The following VRK2 variants were observed in gnomAD, a reference collection of about 807,000 sequenced individuals.
VRK2 encodes the protein serine/threonine-protein kinase VRK2.
In VRK2, 60 loss-of-function variants were observed where a neutral mutation model predicts 57.6. That is an observed-to-expected ratio of 1.04 (90% confidence interval 0.85 to 1.29). VRK2 has a LOEUF of 1.29. Ranked by LOEUF, VRK2 falls within the 50% of genes most tolerant of loss-of-function variation. VRK2 has a pLI of 0.00. For missense variants in VRK2, 705 were observed against 588.1 expected (o/e 1.20, Z -2.06); for synonymous variants, 231 against 199.2 (o/e 1.16, Z -1.35).
At chr2:58,114,200 C>T (rs933853598) in intron 7 of VRK2, among the ~76,000 whole-genome samples, 4 of 152,154 alleles carry the variant, frequency 2.6e-5, no homozygotes, top group Non-Finnish European at 4.4e-5. Context: ...AGAGCTAGGA[C>T]ATCTGATTAG....
chr2:58,093,686 A>G (rs1215756262), intron 7 of VRK2, among the ~76,000 whole-genome samples: 1 of 151,998 alleles, frequency 6.6e-6, no homozygotes, highest in African/African-American at 2.4e-5. Context: ...CCATTTGTCA[A>G]TTTTGGCTTT....
At chr2:58,057,196 A>G (rs1418144875) in intron 2 of VRK2, among the ~76,000 whole-genome samples, 2 of 152,080 alleles carry the variant, frequency 1.3e-5, no homozygotes, top group South Asian at 2.1e-4. Context: ...TAACTCTAGA[A>G]CTGTTCTATT....
upstream of VRK2, chr2:58,046,666 G>A (rs141537638): frequency 4.1e-5 from 40 of 985,598 alleles, no homozygotes; most frequent in Admixed American, 4.9e-4. Context: ...GAAAGGAACC[G>A]GCTGCGGCCT....
chr2:57,962,156 G>T (rs1354447950), intron 1 of VRK2, among the ~76,000 whole-genome samples: 3 of 152,124 alleles, frequency 2.0e-5, no homozygotes, highest in Admixed American at 2.0e-4. Flanking sequence ...TACATATCCA[G>T]TCCTTGATTA....
chr2:58,148,148 G>A (rs1427800406), intron 12 of VRK2, among the ~76,000 whole-genome samples: 3 of 151,832 alleles, frequency 2.0e-5, no homozygotes, highest in Non-Finnish European at 4.4e-5. Context: ...ACTCCCACCA[G>A]TAATGTACAA....
rs116779644 is a variant in VRK2, at chr2:58,029,422, C to T, written c.-333+3652C>T. ...TCCTCCTAACACTGCTTAGATGGTA[C>T]CATCTTGCTTTGTGTCAACTCAGGT... On this transcript the variant is annotated intron_variant, in intron 2 of 15. Transcript: ENST00000417641. 3.2e-3 allele frequency among the ~76,000 whole-genome samples: 492 copies of T among 152,194 alleles called. 1 individual carries two copies. The highest frequency in any genetic ancestry group is 5.7e-3 in the Non-Finnish European group (386 of 67,998).
intron 1 of VRK2, among the ~76,000 whole-genome samples, chr2:58,002,911 T>C (rs1673133029): frequency 6.6e-6 from 1 of 152,188 alleles, no homozygotes; most frequent in African/African-American, 2.4e-5. Context: ...TGCAGACTTG[T>C]AGAAAGAAAA....
At chr2:57,939,332 C>T (rs1420783525) in intron 1 of VRK2, among the ~76,000 whole-genome samples, 1 of 152,064 alleles carries the variant, frequency 6.6e-6, no homozygotes, top group African/African-American at 2.4e-5. Flanking sequence ...TGTATTGATC[C>T]TGCTCAAAAT....
At chr2:57,931,931 G>A (rs1053183316) in intron 1 of VRK2, among the ~76,000 whole-genome samples, 15 of 151,664 alleles carry the variant, frequency 9.9e-5, no homozygotes, top group African/African-American at 2.2e-4. Context: ...TTGAATGTAC[G>A]TACATAGGTT....
intron 1 of VRK2, among the ~76,000 whole-genome samples, chr2:58,013,165 A>G (rs1487770912): frequency 6.6e-6 from 1 of 152,246 alleles, no homozygotes; most frequent in Non-Finnish European, 1.5e-5. Flanking sequence ...TTTAAATGCC[A>G]ATATATTTTC....
chr2:58,017,475 C>T (rs1406596494), intron 1 of VRK2, among the ~76,000 whole-genome samples: 4 of 152,142 alleles, frequency 2.6e-5, no homozygotes, highest in Non-Finnish European at 4.4e-5. Flanking sequence ...TGATCCCATC[C>T]GCGCAGATTT....
chr2:58,114,508 C>T (rs1159083322), intron 7 of VRK2, among the ~76,000 whole-genome samples: 4 of 152,142 alleles, frequency 2.6e-5, no homozygotes, highest in African/African-American at 7.2e-5. Flanking sequence ...TATACAGGAG[C>T]TTAAATGGGC....
chr2:57,949,078 A>AGGGGGGGGGGGGGGGG (rs1671346718), intron 1 of VRK2, among the ~76,000 whole-genome samples: 1 of 141,270 alleles, frequency 7.1e-6, no homozygotes, highest in Non-Finnish European at 1.5e-5. Context: ...GGTGGGGGAC[A>AGGGGGGGGGGGGGGGG]GGGGGCGGGA....
At chr2:57,988,929 A>G (rs190175680) in intron 1 of VRK2, among the ~76,000 whole-genome samples, 1 of 152,124 alleles carries the variant, frequency 6.6e-6, no homozygotes, top group Non-Finnish European at 1.5e-5. Context: ...TATGCAAAAC[A>G]CAGATTGGGG....
rs1162527644 is a variant in VRK2 at position 58,136,836 on chromosome 2, CAT to C, written c.856+1644_856+1645del. On this transcript the variant is annotated intron_variant, in intron 10 of 12. Coordinates refer to ENST00000340157, the MANE Select transcript of VRK2 (RefSeq NM_006296.7). ...ATATCATATATGTGTGTATATATAT[CAT>C]ATATATTATATCATATATATGTGTA... Among the ~76,000 whole-genome samples the C allele has an allele frequency of 2.8e-4, 38 of 134,532 alleles. No homozygotes were observed. In the East Asian group the frequency reaches 3.9e-3, roughly 14 times the overall value. The allele number at this position is 134,532 out of a possible 152,430, so 88.3% of individuals were successfully genotyped here. A position where few individuals can be genotyped will look rare whatever the true frequency, so the allele number is the denominator to read the frequency against.
intron 1 of VRK2, among the ~76,000 whole-genome samples, chr2:57,969,255 T>A: frequency 6.6e-6 from 1 of 152,006 alleles, no homozygotes; most frequent in Non-Finnish European, 1.5e-5. Context: ...TGGGAACTAA[T>A]AAAGTAGACA....
At chr2:58,014,374 G>C (rs1673511662) in intron 1 of VRK2, among the ~76,000 whole-genome samples, 1 of 152,118 alleles carries the variant, frequency 6.6e-6, no homozygotes, top group Non-Finnish European at 1.5e-5. Context: ...TATTATGAGA[G>C]CAGATTCACT....
chr2:58,153,826 A>T (rs1260995407), intron 12 of VRK2, among the ~76,000 whole-genome samples: 1 of 152,090 alleles, frequency 6.6e-6, no homozygotes, highest in Non-Finnish European at 1.5e-5. Context: ...TAGTGAAACC[A>T]TCTGGGTCTG....
intron 8 of VRK2, among the ~76,000 whole-genome samples, chr2:58,129,811 G>A (rs1678913801): frequency 6.6e-6 from 1 of 152,130 alleles, no homozygotes; most frequent in Admixed American, 6.5e-5. Flanking sequence ...CTTCAGTGTG[G>A]GGAAAGGAAA....
Sources: gnomAD v4.1 joint callset for allele counts (sites outside exome capture counted in the v4.1 genomes callset) on GRCh38, gnomAD v4.1.1 for gene constraint, MANE v1.5 for transcripts, NCBI Gene and HGNC (gene_info 2026-07-23, HGNC 2026-07-21) for gene names.